Variants in CDHR2 observed in about 807,000 individuals in gnomAD.
CDHR2 encodes cadherin-related family member 2.
A neutral mutation model predicts 138.6 loss-of-function variants in CDHR2; 104 were observed. That is an observed-to-expected ratio of 0.75 (90% CI 0.64 to 0.88). CDHR2 has a LOEUF of 0.88. Among genes scored for constraint, CDHR2 ranks in the 40% least tolerant of loss-of-function variants. The pLI is 0.00. For synonymous variants in CDHR2, 755 were observed against 742.8 expected, an observed-to-expected ratio of 1.02 and a Z score of -0.27; for missense variants, 1,624 against 1,727.6, an observed-to-expected ratio of 0.94 and a Z score of 1.06.
In CDHR2 at chr5:176,565,752, C is replaced by G. The variant is rs749137863; in HGVS notation, c.124+9C>G. ...TGAGGACCTGCCTGTGGGTGAGTCCCGGTCCCTGTGTCTGCCCCATGTCAG... is the reference window on the plus strand; with the variant it reads ...TGAGGACCTGCCTGTGGGTGAGTCCGGGTCCCTGTGTCTGCCCCATGTCAG... On this transcript the variant is annotated intron_variant, in intron 3 of 31. Transcript: ENST00000261944. 2 of 1,611,634 alleles carry G rather than the reference C, an allele frequency of 1.2e-6. No homozygotes were observed.
Position 176,584,597 on chromosome 5 carries a change from C to T in CDHR2, c.2316C>T (p.Pro772=), listed in dbSNP as rs765059198. The T allele has an allele frequency of 9.3e-6, 15 of 1,606,106 alleles. No homozygotes were observed. Among genetic ancestry groups the T allele is most frequent in the Middle Eastern group, 1.7e-4 (1 of 6,050 alleles). Residue 772 remains proline, a synonymous_variant, in exon 19 of 32, where the codon CCC becomes CCT. Coordinates refer to ENST00000261944, the MANE Select transcript of CDHR2 (RefSeq NM_017675.6). ...PDVSLDYETQ[P]VFNLTVSAEN... ...TGAGCCTGGATTACGAGACACAGCC[C>T]GTCTTCAACTTGACAGTGAGTGCTG...
At position 176,577,799 on chromosome 5, in the gene CDHR2, G is replaced by A. The variant is rs368581202; in HGVS notation, c.1512+1G>A. The stretch of plus-strand genomic sequence containing the variant: ...CTCTGTGGTCACCGACAGCATCCAC[G>A]TGAGTGATGTGGACACAGTGGGGCT... On this transcript the variant is annotated splice_donor_variant, in intron 14 of 31. Coordinates refer to ENST00000261944, the MANE Select transcript of CDHR2 (RefSeq NM_017675.6). LOFTEE classifies it high-confidence loss of function. 2.8e-4 allele frequency: 450 copies of A among 1,613,756 alleles called. No homozygotes were observed. The highest frequency in any genetic ancestry group is 3.6e-4 in the Non-Finnish European group (421 of 1,179,860).
At chr5:176,593,546 C>T (rs1758941088) in intron 31 of CDHR2, among the ~76,000 whole-genome samples, 1 of 152,196 alleles carries the variant, frequency 6.6e-6, no homozygotes, top group Non-Finnish European at 1.5e-5. Context: ...ACAGAAGGAA[C>T]TGCCCTCTCT....
rs924978940 is a variant in CDHR2, at chr5:176,543,030, C to T, written c.-16+261C>T. Among the ~76,000 whole-genome samples, 2 of 151,814 alleles carry T rather than the reference C, an allele frequency of 1.3e-5. No homozygotes were observed. The highest frequency in any genetic ancestry group is 1.5e-5 in the Non-Finnish European group (1 of 67,860). ...GCAGGGCACGCGGGGGCTCGGAGTT[C>T]CCCGGGGCTCCCCGAGTTGGGGCGT... On this transcript the variant is annotated intron_variant, in intron 1 of 31. Coordinates refer to the CDHR2 transcript ENST00000510636. This position sits in a 1 kb window ranked among gnomAD's most constrained non-coding sequence, Gnocchi z 4.0.
intron 19 of CDHR2, 29 bp downstream of exon 19, chr5:176,585,044 G>A (rs1372493627): frequency 1.3e-6 from 2 of 1,522,094 alleles, no homozygotes; most frequent in Non-Finnish European, 1.8e-6. Context: ...GCAGGGCTTG[G>A]CAGGCCATAG....
At position 176,572,813 on chromosome 5, in the gene CDHR2, G is replaced by A. The variant is rs115239436; in HGVS notation, c.406-1270G>A. Among the ~76,000 whole-genome samples the A allele has an allele frequency of 8.9e-3, 1,354 of 152,346 alleles. 13 individuals carry two copies. The highest frequency in any genetic ancestry group is 0.03 in the African/African-American group (1,254 of 41,574). On this transcript the variant is annotated intron_variant, in intron 6 of 31. Transcript: ENST00000261944. Reference sequence around the variant, plus strand: ...CTCTGATGCAATGCCTCAGCACCCGGCACTGTCTAGGTGCTAAGGTTACCT... The same window carrying A: ...CTCTGATGCAATGCCTCAGCACCCGACACTGTCTAGGTGCTAAGGTTACCT...
chr5:176,574,448 C>T (rs1460574220), intron 7 of CDHR2, among the ~76,000 whole-genome samples: 2 of 152,202 alleles, frequency 1.3e-5, no homozygotes, highest in Admixed American at 6.6e-5. Context: ...GGTGTGTAAA[C>T]CCATTTCTCA....
chr5:176,586,049 A>C (rs1205234322), intron 20 of CDHR2, 24 bp downstream of exon 20: 2 of 1,596,572 alleles, frequency 1.3e-6, no homozygotes, highest in African/African-American at 2.7e-5. Flanking sequence ...CCATTCACAC[A>C]CCATACCCCT....
intron 6 of CDHR2, among the ~76,000 whole-genome samples, chr5:176,572,222 G>GAA (rs34496800): frequency 2.3e-5 from 3 of 132,676 alleles, no homozygotes; most frequent in Admixed American, 7.7e-5. Flanking sequence ...CGTCTCTACT[G>GAA]AAAAAAAAAA....
In CDHR2 at chr5:176,543,111, C is replaced by G. The variant is rs1031662903; in HGVS notation, c.-16+342C>G. 2.0e-5 allele frequency among the ~76,000 whole-genome samples: 3 copies of G among 151,392 alleles called. No individual in the cohort carries two copies. Among genetic ancestry groups the G allele is most frequent in the South Asian group, 2.1e-4 (1 of 4,818 alleles). The stretch of plus-strand genomic sequence containing the variant: ...GCAGCTCCCGCTGCCGGGCCCGGGA[C>G]TGCGAGCTCCCGCCGTGCGGGCGCC... On this transcript the variant is annotated intron_variant, in intron 1 of 31. Transcript: ENST00000510636. This position sits in a 1 kb window ranked among gnomAD's most constrained non-coding sequence, Gnocchi z 4.0.
intron 30 of CDHR2, among the ~76,000 whole-genome samples, chr5:176,592,082 TGGTGGTGGTG>T (rs1758875240): frequency 1.8e-5 from 2 of 112,786 alleles, no homozygotes; most frequent in African/African-American, 3.1e-5. Flanking sequence ...GCAGTTATCG[TGGTGGTGGTG>T]GTGATGGTGG....
At chr5:176,555,850 G>A (rs1188695545) in intron 1 of CDHR2, among the ~76,000 whole-genome samples, 2 of 152,048 alleles carry the variant, frequency 1.3e-5, no homozygotes, top group Non-Finnish European at 2.9e-5. Context: ...GCAGTGAGCC[G>A]AGATCGCCCC....
chr5:176,595,474 C>CT, intron 31 of CDHR2, 58 bp from the exon 32 acceptor site: 2 of 1,505,532 alleles, frequency 1.3e-6, no homozygotes, highest in Admixed American at 2.0e-5. Flanking sequence ...CCCCTAGGGC[C>CT]TGGGGCACTC....
At position 176,590,315 on chromosome 5, in the gene CDHR2, T is replaced by C; in HGVS notation, c.3338T>C (p.Leu1113Pro). Residue 1113 changes from leucine (L) to proline (P), a missense_variant, in exon 26 of 32, where the codon CTT becomes CCT. Leu to Pro is a moderately conservative substitution (Grantham distance 98). Coordinates refer to ENST00000261944, the MANE Select transcript of CDHR2 (RefSeq NM_017675.6). ...FVFPNGSALT[L>P]DELSVMIRND... ...TTCCCCAATGGGTCAGCCCTGACCCTTGATGAGCTGAGTGTGTGAGTGGGG... is the reference window on the plus strand; with the variant it reads ...TTCCCCAATGGGTCAGCCCTGACCCCTGATGAGCTGAGTGTGTGAGTGGGG... 6.2e-7 allele frequency: 1 copy of C among 1,614,172 alleles called. No individual in the cohort carries two copies. Among genetic ancestry groups the C allele is most frequent in the Non-Finnish European group, 8.5e-7 (1 of 1,180,018 alleles).
chr5:176,565,587 G>C (rs1758059715), intron 2 of CDHR2, 85 bp from the exon 3 acceptor site: 1 of 1,339,962 alleles, frequency 7.5e-7, no homozygotes, highest in Admixed American at 1.9e-5. Context: ...GTGGCCATAA[G>C]GACTAGTGTG....
chr5:176,595,786 T>G lies in CDHR2; in HGVS notation c.*114T>G. The G allele has an allele frequency of 4.8e-5, 49 of 1,030,438 alleles. No homozygotes were observed. Among genetic ancestry groups the G allele is most frequent in the Non-Finnish European group, 6.1e-5 (45 of 738,084 alleles). 63.8% of individuals were successfully genotyped at this position (1,030,438 alleles called of 1,614,324 possible). On this transcript the variant is annotated 3_prime_UTR_variant, in exon 32 of 32. Coordinates refer to ENST00000261944, the MANE Select transcript of CDHR2 (RefSeq NM_017675.6). ...TGCCCTGCCTCCTGCTTTTGGCCAA[T>G]CACGGCAGACAGGGGTTGGGGAAAT... is the stretch of plus-strand genomic sequence containing the variant.
chr5:176,552,824 G>A (rs764024554), intron 1 of CDHR2, among the ~76,000 whole-genome samples: 7 of 152,240 alleles, frequency 4.6e-5, no homozygotes, highest in South Asian at 4.1e-4. Context: ...CCACTCTGCC[G>A]CTGACAGCCT....
chr5:176,553,321 AG>A lies in CDHR2; in HGVS notation c.-16+3908del, dbSNP rs1216036589. On this transcript the variant is annotated intron_variant, in intron 1 of 31. Coordinates refer to ENST00000261944, the MANE Select transcript of CDHR2 (RefSeq NM_017675.6). This position sits in a 1 kb window ranked among gnomAD's most constrained non-coding sequence, Gnocchi z 4.3. Reference sequence around the variant, plus strand: ...CGCGCCCTTTCCCCTCTTGGACGTCAGTTTGCTGAGGACTAAATGGTAATGG... The same window carrying A: ...CGCGCCCTTTCCCCTCTTGGACGTCATTTGCTGAGGACTAAATGGTAATGG... Among the ~76,000 whole-genome samples the A allele has an allele frequency of 2.6e-5, 4 of 152,134 alleles. No individual in the cohort carries two copies. Among genetic ancestry groups the A allele is most frequent in the Non-Finnish European group, 5.9e-5 (4 of 68,014 alleles).
At chr5:176,559,721 TA>T (rs79390713) in intron 1 of CDHR2, among the ~76,000 whole-genome samples, 51,831 of 143,408 alleles carry the variant, frequency 0.36, 10,414 homozygotes, top group African/African-American at 0.56. Context: ...GCATTTTTTT[TA>T]AAATCTATAA....
Sources: gnomAD v4.1 joint callset for allele counts (sites outside exome capture counted in the v4.1 genomes callset) on GRCh38, gnomAD v4.1.1 for gene constraint, Gnocchi (gnomAD v3.1) non-coding constraint, MANE v1.5 for transcripts, NCBI Gene and HGNC (gene_info 2026-07-23, HGNC 2026-07-21) for gene names.